The following PHTF2 variants were observed in gnomAD, a reference collection of about 807,000 sequenced individuals.
PHTF2 encodes the protein protein PHTF2.
Under a neutral mutation model 101.2 loss-of-function variants are expected in PHTF2, and 60 were observed. That is an observed-to-expected ratio of 0.59 (90% CI 0.48 to 0.73). The LOEUF is 0.73. PHTF2 is among the 30% of genes least tolerant of loss of function. PHTF2 has a pLI of 0.00. For missense variants in PHTF2, 747 were observed against 908.7 expected (o/e 0.82, Z 2.29); for synonymous variants, 311 against 307.3 (o/e 1.01, Z -0.13).
chr7:77,877,904 G>C (rs1474634923), intron 3 of PHTF2, among the ~76,000 whole-genome samples: 1 of 152,150 alleles, frequency 6.6e-6, no homozygotes, highest in Non-Finnish European at 1.5e-5. Flanking sequence ...GGAAAGTCTG[G>C]CTCCACTTGA....
intron 2 of PHTF2, among the ~76,000 whole-genome samples, chr7:77,842,555 C>CAA (rs149448445): frequency 6.7e-6 from 1 of 149,856 alleles, no homozygotes; most frequent in African/African-American, 2.5e-5. Flanking sequence ...AGGATTATTG[C>CAA]AAAAAAAAAG....
At chr7:77,852,527 CTT>C (rs910476237) in intron 2 of PHTF2, among the ~76,000 whole-genome samples, 3 of 152,090 alleles carry the variant, frequency 2.0e-5, no homozygotes, top group Non-Finnish European at 2.9e-5. Flanking sequence ...CTATTTATAT[CTT>C]TTTATACTGT....
chr7:77,876,548 A>G (rs1798958156), intron 3 of PHTF2, among the ~76,000 whole-genome samples: 2 of 152,162 alleles, frequency 1.3e-5, no homozygotes, highest in South Asian at 4.1e-4. Flanking sequence ...TAGTGGTAAA[A>G]TGAAGATAAT....
At chr7:77,799,736 C>A (rs1206768983) in intron 1 of PHTF2, among the ~76,000 whole-genome samples, 2 of 152,210 alleles carry the variant, frequency 1.3e-5, no homozygotes, top group East Asian at 3.8e-4. Context: ...TAATCTGTCA[C>A]CCTTCTTATT....
At chr7:77,893,933 C>T in intron 4 of PHTF2, 49 bp from the exon 4 acceptor site, 2 of 1,376,624 alleles carry the variant, frequency 1.5e-6, no homozygotes, top group East Asian at 2.3e-5. Context: ...TCACCTTATA[C>T]TTCTAGTTTG....
exon 12 of PHTF2, chr7:77,929,112 G>A (rs368376693): frequency 4.2e-5 from 68 of 1,610,286 alleles, no homozygotes; most frequent in Non-Finnish European, 5.0e-5. Context: ...ATTTCAGGAC[G>A]CCCCTAAATC....
In PHTF2 at chr7:77,943,718, A is replaced by G. The variant is rs377130498; in HGVS notation, c.1959+932A>G. ...TACTAGATTATCTGAAAATTCTTCT[A>G]CTTTAAAACATCAAACAGGCCGGGC... On this transcript the variant is annotated intron_variant, in intron 16 of 19. Coordinates refer to ENST00000416283, the Ensembl canonical transcript of PHTF2. Among the ~76,000 whole-genome samples the G allele has an allele frequency of 3.3e-5, 5 of 152,158 alleles. No individual in the cohort carries two copies. In the East Asian group the frequency reaches 5.8e-4, roughly 18 times the overall value.
chr7:77,859,431 C>A lies in PHTF2; in HGVS notation c.147+4597C>A, dbSNP rs529463249. 3.9e-5 allele frequency among the ~76,000 whole-genome samples: 6 copies of A among 152,190 alleles called. No homozygotes were observed. In the South Asian group the frequency reaches 8.3e-4, roughly 21 times the overall value. ...GAACTGAGTAAGAGAAGGTCAGGATCCCAAATATTTTCTTCATGTTCTTAA... is the reference window on the plus strand; with the variant it reads ...GAACTGAGTAAGAGAAGGTCAGGATACCAAATATTTTCTTCATGTTCTTAA... On this transcript the variant is annotated intron_variant, in intron 3 of 19. Coordinates refer to ENST00000416283, the Ensembl canonical transcript of PHTF2.
chr7:77,804,293 CTCTTGTA>C, intron 1 of PHTF2, among the ~76,000 whole-genome samples: 1 of 152,140 alleles, frequency 6.6e-6, no homozygotes, highest in Non-Finnish European at 1.5e-5. Flanking sequence ...ATCTATTTTA[CTCTTGTA>C]GTCTCTGTCT....
chr7:77,832,436 C>T (rs1228944226), intron 1 of PHTF2, among the ~76,000 whole-genome samples: 1 of 152,150 alleles, frequency 6.6e-6, no homozygotes, highest in Non-Finnish European at 1.5e-5. Flanking sequence ...CCAGCTGTAT[C>T]GACTTTGTCC....
chr7:77,811,116 G>A (rs1027681940), intron 1 of PHTF2, among the ~76,000 whole-genome samples: 5 of 151,824 alleles, frequency 3.3e-5, no homozygotes, highest in Non-Finnish European at 7.4e-5. Context: ...TGGCCAGGCT[G>A]GTCTCAAACT....
At chr7:77,878,121 G>GA (rs1799104206) in intron 3 of PHTF2, among the ~76,000 whole-genome samples, 1 of 152,116 alleles carries the variant, frequency 6.6e-6, no homozygotes, top group Admixed American at 6.6e-5. Flanking sequence ...GCAGAGAGTT[G>GA]AAAAATCGCA....
intron 3 of PHTF2, among the ~76,000 whole-genome samples, chr7:77,868,413 C>T (rs1584536877): frequency 7.0e-6 from 1 of 143,108 alleles, no homozygotes; most frequent in East Asian, 2.1e-4. Flanking sequence ...AAGCAATCCT[C>T]CTACCTCAGC....
intron 10 of PHTF2, among the ~76,000 whole-genome samples, chr7:77,921,142 A>G (rs182956263): frequency 6.6e-6 from 1 of 152,240 alleles, no homozygotes; most frequent in African/African-American, 2.4e-5. Context: ...CATGTTCTCT[A>G]TAAGAAGATA....
intron 5 of PHTF2, among the ~76,000 whole-genome samples, chr7:77,899,776 G>A (rs537931124): frequency 6.6e-6 from 1 of 152,250 alleles, no homozygotes; most frequent in Admixed American, 6.5e-5. Context: ...AGGATTTACT[G>A]CACAGTTACT....
chr7:77,799,187 C>G (rs533060214), intron 1 of PHTF2, among the ~76,000 whole-genome samples: 56 of 152,292 alleles, frequency 3.7e-4, no homozygotes, highest in African/African-American at 1.2e-3. Flanking sequence ...TCTCATCAGT[C>G]GGCCGGTGGC....
At chr7:77,818,968 A>G (rs1794063896) in intron 1 of PHTF2, among the ~76,000 whole-genome samples, 1 of 152,004 alleles carries the variant, frequency 6.6e-6, no homozygotes, top group Admixed American at 6.6e-5. Flanking sequence ...CCTTGTTTAA[A>G]TTTATTCCTA....
At chr7:77,908,937 G>T in exon 8 of PHTF2, 1 of 1,601,804 alleles carries the variant, frequency 6.2e-7, no homozygotes, top group Non-Finnish European at 8.5e-7. Flanking sequence ...CCTCCTCTAA[G>T]TACAGGGGGT....
intron 13 of PHTF2, among the ~76,000 whole-genome samples, chr7:77,939,814 C>T (rs1271778135): frequency 1.3e-5 from 2 of 151,938 alleles, no homozygotes; most frequent in Non-Finnish European, 2.9e-5. Flanking sequence ...TTGCCATCTA[C>T]TTAGTAAATT....
Sources: gnomAD v4.1 joint callset for allele counts (sites outside exome capture counted in the v4.1 genomes callset) on GRCh38, gnomAD v4.1.1 for gene constraint, MANE v1.5 for transcripts, NCBI Gene and HGNC (gene_info 2026-07-23, HGNC 2026-07-21) for gene names.